Variants in CNTNAP2 observed in about 807,000 individuals in gnomAD.
The protein encoded by CNTNAP2 is contactin-associated protein-like 2.
CNTNAP2 carries 98 observed loss-of-function variants against 155.2 expected under a neutral mutation model. That is an observed-to-expected ratio of 0.63 (90% CI 0.54 to 0.75). CNTNAP2 has a LOEUF of 0.75. Among genes scored for constraint, CNTNAP2 ranks in the 30% least tolerant of loss-of-function variants. The probability of loss-of-function intolerance (pLI) is 0.00; values close to 1 mark genes in which losing one functional copy is unlikely to be tolerated. For synonymous variants in CNTNAP2, 651 were observed against 631.2 expected (o/e 1.03, Z -0.47); for missense variants, 1,727 against 1,688.1 (o/e 1.02, Z -0.40).
chr7:147,421,924 G>T (rs1797297254), intron 10 of CNTNAP2, among the ~76,000 whole-genome samples: 1 of 151,758 alleles, frequency 6.6e-6, no homozygotes, highest in Non-Finnish European at 1.5e-5. Flanking sequence ...CATAAGTAAA[G>T]CTCCTTGAAA....
At chr7:146,720,952 CTATA>C (rs796077488) in intron 1 of CNTNAP2, among the ~76,000 whole-genome samples, 1 of 126,034 alleles carries the variant, frequency 7.9e-6, no homozygotes, top group Non-Finnish European at 1.6e-5. Context: ...TCTATATATT[CTATA>C]TATATACAGT....
chr7:147,604,100 A>G (rs1224000499), intron 12 of CNTNAP2, among the ~76,000 whole-genome samples: 1 of 152,194 alleles, frequency 6.6e-6, no homozygotes, highest in Non-Finnish European at 1.5e-5. Context: ...TAAACGTTAG[A>G]CCTAAAAACC....
intron 9 of CNTNAP2, among the ~76,000 whole-genome samples, chr7:147,316,327 C>T (rs1795232949): frequency 6.6e-6 from 1 of 151,910 alleles, no homozygotes; most frequent in Admixed American, 6.6e-5. Flanking sequence ...ATAATAAAAA[C>T]CTTAGATTTC....
chr7:148,223,065 C>G lies in CNTNAP2; in HGVS notation c.3247+5541C>G, dbSNP rs541927826. On this transcript the variant is annotated intron_variant, in intron 19 of 23. Transcript: ENST00000361727. ...ACATTCTAACGCATATTCAGCAACC[C>G]CTACTCTTCGTTTTGAGAAACTCAT... 3.3e-5 allele frequency among the ~76,000 whole-genome samples: 5 copies of G among 152,274 alleles called. No individual in the cohort carries two copies. In the South Asian group the frequency reaches 8.3e-4, roughly 25 times the overall value.
intron 13 of CNTNAP2, among the ~76,000 whole-genome samples, chr7:147,728,573 C>T (rs1046465138): frequency 7.2e-5 from 11 of 151,964 alleles, no homozygotes; most frequent in African/African-American, 2.4e-4. Flanking sequence ...TCTGATAATA[C>T]ATCTTTTTTC....
chr7:147,682,050 A>G (rs1188946063), intron 13 of CNTNAP2, among the ~76,000 whole-genome samples: 1 of 151,938 alleles, frequency 6.6e-6, no homozygotes, highest in African/African-American at 2.4e-5. Flanking sequence ...AGTAAAGGTT[A>G]TTAGAAGGTA....
rs139224570 is a variant in CNTNAP2, at chr7:148,119,716, C to A, written c.2554+1428C>A. On this transcript the variant is annotated intron_variant, in intron 16 of 23. Transcript: ENST00000361727. Reference sequence around the variant, plus strand: ...GGTAAATTGCTCAATCTCTTTGAATCCTAATTTTCTGATTTATAAAAAGGA... The same window carrying A: ...GGTAAATTGCTCAATCTCTTTGAATACTAATTTTCTGATTTATAAAAAGGA... 2.5e-3 allele frequency among the ~76,000 whole-genome samples: 381 copies of A among 152,138 alleles called. 1 individual carries two copies. Among genetic ancestry groups the A allele is most frequent in the Middle Eastern group, 0.017 (5 of 294 alleles).
chr7:147,554,597 T>A (rs926449024), intron 11 of CNTNAP2, among the ~76,000 whole-genome samples: 3 of 152,254 alleles, frequency 2.0e-5, no homozygotes, highest in East Asian at 1.9e-4. Context: ...TTGTCTTTTT[T>A]AAAAAAATCC....
At chr7:148,047,006 G>A (rs1332587631) in intron 15 of CNTNAP2, among the ~76,000 whole-genome samples, 3 of 152,120 alleles carry the variant, frequency 2.0e-5, no homozygotes, top group Admixed American at 1.3e-4. Flanking sequence ...ATGGCACTTG[G>A]TGAATTGGGA....
intron 12 of CNTNAP2, among the ~76,000 whole-genome samples, chr7:147,592,794 T>C (rs577538460): frequency 6.6e-6 from 1 of 152,336 alleles, no homozygotes; most frequent in East Asian, 1.9e-4. Context: ...AAGCCCCTCA[T>C]ATCTTCTCCA....
At chr7:146,134,307 T>G (rs1437988838) in intron 1 of CNTNAP2, among the ~76,000 whole-genome samples, 24 of 146,494 alleles carry the variant, frequency 1.6e-4, no homozygotes, top group Non-Finnish European at 3.2e-4. Context: ...AAGGAGATTT[T>G]GGGCTGAGAC....
At chr7:147,724,236 A>AC (rs1796609142) in intron 13 of CNTNAP2, among the ~76,000 whole-genome samples, 1 of 152,026 alleles carries the variant, frequency 6.6e-6, no homozygotes, top group Non-Finnish European at 1.5e-5. Context: ...GGCTGCATAC[A>AC]CCAATCTGAT....
At chr7:147,676,741 G>A (rs1795875207) in intron 13 of CNTNAP2, among the ~76,000 whole-genome samples, 2 of 151,814 alleles carry the variant, frequency 1.3e-5, no homozygotes, top group Non-Finnish European at 2.9e-5. Context: ...TTCCATTTAT[G>A]AGGGCAATCA....
chr7:146,806,334 CAA>C (rs111572841), intron 2 of CNTNAP2, among the ~76,000 whole-genome samples: 6 of 136,618 alleles, frequency 4.4e-5, no homozygotes, highest in Non-Finnish European at 4.8e-5. Flanking sequence ...CTACTAAATA[CAA>C]AAAAAAAAAA....
chr7:147,561,858 GC>G (rs1237299417), intron 11 of CNTNAP2, among the ~76,000 whole-genome samples: 1 of 152,082 alleles, frequency 6.6e-6, no homozygotes, highest in African/African-American at 2.4e-5. Context: ...ATGATCATGA[GC>G]CCCAGTAAAA....
At chr7:146,978,080 G>A (rs927981603) in intron 3 of CNTNAP2, among the ~76,000 whole-genome samples, 2 of 152,206 alleles carry the variant, frequency 1.3e-5, no homozygotes, top group South Asian at 2.1e-4. Flanking sequence ...CCTAGACCAG[G>A]CTATTAGCTG....
At chr7:146,710,860 C>T (rs1028779907) in intron 1 of CNTNAP2, among the ~76,000 whole-genome samples, 1 of 151,996 alleles carries the variant, frequency 6.6e-6, no homozygotes. Flanking sequence ...GTACTCCTCA[C>T]TCATATATAT....
At chr7:147,109,895 G>GTATTTATT (rs56065793) in intron 5 of CNTNAP2, among the ~76,000 whole-genome samples, 7 of 148,778 alleles carry the variant, frequency 4.7e-5, no homozygotes, top group South Asian at 4.4e-4. Context: ...GTTGTTATTT[G>GTATTTATT]TATTTATTTA....
intron 21 of CNTNAP2, among the ~76,000 whole-genome samples, chr7:148,338,014 C>G (rs899505563): frequency 1.3e-5 from 2 of 150,998 alleles, no homozygotes; most frequent in Non-Finnish European, 3.0e-5. Context: ...CAAATATATT[C>G]AGGTAGCCAC....
Sources: gnomAD v4.1 joint callset for allele counts (sites outside exome capture counted in the v4.1 genomes callset) on GRCh38, gnomAD v4.1.1 for gene constraint, MANE v1.5 for transcripts, NCBI Gene and HGNC (gene_info 2026-07-23, HGNC 2026-07-21) for gene names.